RANBP17: variants seen among roughly 807,000 people sequenced by gnomAD.
RANBP17 encodes ran-binding protein 17.
Under a neutral mutation model 141.2 loss-of-function variants are expected in RANBP17, and 158 were observed. The observed-to-expected ratio is 1.12, with a 90% confidence interval of 0.98 to 1.28. The LOEUF (loss-of-function observed/expected upper bound fraction) is 1.28, where lower values mean the gene tolerates loss of function less well. Among genes scored for constraint, RANBP17 ranks in the 50% most tolerant of loss-of-function variants. RANBP17 has a pLI of 0.00. For missense variants in RANBP17, 1,438 were observed against 1,290.7 expected (o/e 1.11, Z -1.75); for synonymous variants, 430 against 450.0 (o/e 0.96, Z 0.56).
chr5:171,198,636 G>T (rs1762118203), intron 18 of RANBP17, among the ~76,000 whole-genome samples: 1 of 152,196 alleles, frequency 6.6e-6, no homozygotes, highest in African/African-American at 2.4e-5. Flanking sequence ...TGGAACCTGG[G>T]CATTTACATC....
chr5:171,079,932 TAA>T (rs1456119874), intron 14 of RANBP17, among the ~76,000 whole-genome samples: 2 of 152,158 alleles, frequency 1.3e-5, no homozygotes, highest in Admixed American at 6.5e-5. Context: ...TTGGAAAATA[TAA>T]GTCTTGACTG....
chr5:170,991,615 C>G (rs1406123405), intron 14 of RANBP17, among the ~76,000 whole-genome samples: 1 of 151,926 alleles, frequency 6.6e-6, no homozygotes, highest in African/African-American at 2.4e-5. Context: ...CCAGCCAGCT[C>G]TGGGCTTCAA....
intron 21 of RANBP17, among the ~76,000 whole-genome samples, chr5:171,219,562 C>T (rs1456648684): frequency 6.6e-6 from 1 of 152,104 alleles, no homozygotes; most frequent in Non-Finnish European, 1.5e-5. Context: ...CACATAGTCC[C>T]ATTTTTCTTG....
intron 12 of RANBP17, among the ~76,000 whole-genome samples, chr5:170,925,905 AC>A: frequency 1.3e-5 from 2 of 152,126 alleles, no homozygotes; most frequent in Non-Finnish European, 2.9e-5. Flanking sequence ...ATGCACTGTT[AC>A]GTTGTTTGAA....
At chr5:171,257,016 C>T (rs1167155245) in intron 24 of RANBP17, among the ~76,000 whole-genome samples, 1 of 152,084 alleles carries the variant, frequency 6.6e-6, no homozygotes, top group Non-Finnish European at 1.5e-5. Flanking sequence ...TAATACCAGT[C>T]CTCCTGAAAC....
intron 6 of RANBP17, 168 bp from the exon 7 acceptor site, chr5:170,910,801 C>A: frequency 3.3e-6 from 2 of 604,190 alleles, no homozygotes; most frequent in Admixed American, 3.2e-5. Flanking sequence ...TGAAGTTAAC[C>A]CAGTTTTTCT....
chr5:171,104,437 A>C (rs1309637662), intron 14 of RANBP17, among the ~76,000 whole-genome samples: 1 of 152,206 alleles, frequency 6.6e-6, no homozygotes, highest in Non-Finnish European at 1.5e-5. Context: ...AATAGTCAAA[A>C]TAGTTTTCAT....
intron 14 of RANBP17, among the ~76,000 whole-genome samples, chr5:171,027,438 C>CT (rs1295520357): frequency 6.6e-6 from 1 of 152,028 alleles, no homozygotes; most frequent in Non-Finnish European, 1.5e-5. Context: ...GAACTAAACT[C>CT]TTTGTCACTT....
chr5:171,266,255 C>T (rs1766671057), intron 25 of RANBP17, among the ~76,000 whole-genome samples: 1 of 152,134 alleles, frequency 6.6e-6, no homozygotes. Context: ...TAGTGTATGC[C>T]AGGCAGCTTG....
At chr5:171,114,364 T>A (rs1755463721) in intron 14 of RANBP17, among the ~76,000 whole-genome samples, 1 of 152,154 alleles carries the variant, frequency 6.6e-6, no homozygotes. Context: ...GCAGTAATAC[T>A]TGAGACCTTT....
At chr5:170,982,917 C>A in intron 14 of RANBP17, 1 of 309,928 alleles carries the variant, frequency 3.2e-6, no homozygotes, top group Non-Finnish European at 6.1e-6. Context: ...AAATAGAAGA[C>A]AGTGAAACAT....
chr5:171,201,574 A>G (rs922389048), intron 19 of RANBP17, among the ~76,000 whole-genome samples: 2 of 152,232 alleles, frequency 1.3e-5, no homozygotes, highest in African/African-American at 4.8e-5. Flanking sequence ...TGCCACATTT[A>G]TCAGGGAAAT....
At chr5:171,157,064 G>T (rs180842970) in intron 14 of RANBP17, among the ~76,000 whole-genome samples, 4 of 152,118 alleles carry the variant, frequency 2.6e-5, no homozygotes, top group Admixed American at 2.6e-4. Context: ...TTTAAAGGAG[G>T]TTTTTAAAAT....
chr5:170,914,041 A>G (rs1771745864), intron 7 of RANBP17, 126 bp from the exon 8 acceptor site: 2 of 649,608 alleles, frequency 3.1e-6, no homozygotes, highest in East Asian at 5.4e-5. Context: ...AATTAAAAAT[A>G]GGCCTAACTG....
chr5:171,254,127 G>A lies in RANBP17; in HGVS notation c.2776+11307G>A, dbSNP rs1161879837. 2.0e-5 allele frequency among the ~76,000 whole-genome samples: 3 copies of A among 151,702 alleles called. No individual in the cohort carries two copies. In the East Asian group the frequency reaches 5.8e-4, roughly 29 times the overall value. ...CCGGGTGTGGTGGCATGCGCCTGTA[G>A]TCCCAGCTACTTGGGAGGCTGAGGC... On this transcript the variant is annotated intron_variant, in intron 24 of 27. Transcript: ENST00000523189.
intron 7 of RANBP17, among the ~76,000 whole-genome samples, chr5:170,912,330 A>G (rs780307094): frequency 1.3e-5 from 2 of 151,990 alleles, no homozygotes; most frequent in Non-Finnish European, 2.9e-5. Context: ...TTGAGATATT[A>G]TACTGTAGTT....
At chr5:171,140,100 T>G (rs544849401) in intron 14 of RANBP17, among the ~76,000 whole-genome samples, 1 of 152,262 alleles carries the variant, frequency 6.6e-6, no homozygotes, top group Admixed American at 6.5e-5. Flanking sequence ...ACCCCTCAGC[T>G]CTCTGCTTAA....
intron 12 of RANBP17, among the ~76,000 whole-genome samples, chr5:170,942,297 A>G (rs963766267): frequency 2.0e-5 from 3 of 152,186 alleles, no homozygotes; most frequent in Non-Finnish European, 4.4e-5. Context: ...GAAAATCTGT[A>G]CACAAAATGT....
At position 171,104,319 on chromosome 5, in the gene RANBP17, G is replaced by A. The variant is rs529790115; in HGVS notation, c.1711-65811G>A. On this transcript the variant is annotated intron_variant, in intron 14 of 27. Coordinates refer to ENST00000523189, the MANE Select transcript of RANBP17 (RefSeq NM_022897.5). ...CCCAAAGTGCTGGGATTACAGGGGT[G>A]AGCCACCGCGCCTGGCCTGTCCTCT... Among the ~76,000 whole-genome samples the A allele has an allele frequency of 2.4e-3, 373 of 152,288 alleles. 4 individuals carry two copies. The highest frequency in any genetic ancestry group is 7.6e-3 in the African/African-American group (317 of 41,558).
Sources: allele counts gnomAD v4.1 joint callset (sites outside exome capture counted in the v4.1 genomes callset), GRCh38; gene constraint gnomAD v4.1.1; transcripts MANE v1.5; gene names NCBI Gene and HGNC (gene_info 2026-07-23, HGNC 2026-07-21).